Variants in UMOD observed in about 807,000 individuals in gnomAD.
UMOD encodes Tamm-Horsfall urinary glycoprotein.
UMOD carries 64 observed loss-of-function variants against 66.0 expected under a neutral mutation model. The observed-to-expected ratio is 0.97, with a 90% confidence interval of 0.79 to 1.19. The LOEUF (loss-of-function observed/expected upper bound fraction) is 1.19. Among genes scored for constraint, UMOD ranks in the 50% most tolerant of loss-of-function variants. The pLI, the probability that UMOD is intolerant of heterozygous loss-of-function variation, is 0.00. For missense variants in UMOD, 764 were observed against 850.9 expected (o/e 0.90, Z 1.27); for synonymous variants, 398 against 352.7 (o/e 1.13, Z -1.44).
In UMOD at chr16:20,346,304, C is replaced by T. The variant is rs1358163548; in HGVS notation, c.1004G>A (p.Cys335Tyr). The T allele has an allele frequency of 6.2e-7, 1 of 1,614,266 alleles. No homozygotes were observed. Among genetic ancestry groups the T allele is most frequent in the Non-Finnish European group, 8.5e-7 (1 of 1,180,056 alleles). The change falls in exon 5 of 11, where the codon TGT (cysteine) becomes TAT (tyrosine). Residue 335 changes from cysteine to tyrosine, a missense_variant. Transcript: ENST00000396138. ...CGACACCTTCATGTCATTGGCCCCA[C>T]ATTCCAGCCTGTGCTCCAGGAGGGA... is the stretch of plus-strand genomic sequence containing the variant. Reference protein sequence around the residue: ...DISLLEHRLECGANDMKVSLG... With the variant: ...DISLLEHRLEYGANDMKVSLG...
At chr16:20,346,866 A>G (rs1158952559) in intron 4 of UMOD, among the ~76,000 whole-genome samples, 1 of 138,304 alleles carries the variant, frequency 7.2e-6, no homozygotes, top group Non-Finnish European at 1.5e-5. Context: ...CGTGAAGTAT[A>G]ATAAAAAAAA....
At chr16:20,344,312 G>C (rs187192153) in intron 5 of UMOD, 140 bp from the exon 6 acceptor site, 5 of 863,026 alleles carry the variant, frequency 5.8e-6, no homozygotes, top group Non-Finnish European at 9.2e-6. Flanking sequence ...TTGATAAAAA[G>C]CTGCCTGTGG....
chr16:20,350,796 G>A lies in UMOD; in HGVS notation c.-59C>T. On this transcript the variant is annotated 5_prime_UTR_variant, in exon 2 of 11. Coordinates refer to ENST00000396138, the MANE Select transcript of UMOD (RefSeq NM_003361.4). Reference sequence around the variant, plus strand: ...TAGCACCTGCCCAAAGGAAAGACGGGTTGGCCCTTTGAATTTTTCTCTCTG... The same window carrying A: ...TAGCACCTGCCCAAAGGAAAGACGGATTGGCCCTTTGAATTTTTCTCTCTG... The A allele has an allele frequency of 2.5e-6, 4 of 1,610,270 alleles. No individual in the cohort carries two copies. The highest frequency in any genetic ancestry group is 1.1e-5 in the South Asian group (1 of 90,406).
upstream of UMOD, among the ~76,000 whole-genome samples, chr16:20,355,462 G>T (rs566595776): frequency 6.7e-6 from 1 of 149,380 alleles, no homozygotes; most frequent in Non-Finnish European, 1.5e-5. Flanking sequence ...GGAGTGCAGT[G>T]GCTCAGTCTT....
At chr16:20,333,529 A>G (rs553832995) in intron 10 of UMOD, among the ~76,000 whole-genome samples, 154 bp from the exon 11 acceptor site, 2 of 152,338 alleles carry the variant, frequency 1.3e-5, no homozygotes, top group African/African-American at 4.8e-5. Context: ...ATCTGCCCTG[A>G]AAAAGGTGGA....
intron 1 of UMOD, 126 bp downstream of exon 1, chr16:20,352,563 T>C (rs1965950466): frequency 1.7e-6 from 1 of 597,316 alleles, no homozygotes; most frequent in Admixed American, 4.4e-5. Context: ...AAGCCAATAA[T>C]TGGCAGAATA....
At chr16:20,335,450 C>T in intron 10 of UMOD, 32 bp downstream of exon 10, 1 of 1,611,968 alleles carries the variant, frequency 6.2e-7, no homozygotes, top group East Asian at 2.2e-5. Flanking sequence ...AGTTCTGGAA[C>T]AGGTCCCACT....
At chr16:20,349,625 A>AT (rs1280291131) in intron 2 of UMOD, 76 of 1,423,334 alleles carry the variant, frequency 5.3e-5, no homozygotes, top group Admixed American at 1.2e-4. Context: ...TCCACCATTC[A>AT]TTTTTTGTGT....
rs371364890 is a variant in UMOD at position 20,344,072 on chromosome 16, G to A, written c.1283C>T (p.Pro428Leu). ...CTTCAGGCTGACTTTCATGTCCAGG[G>A]GGTAGGAGCATGCAAAGTTGATTTT... ...NIKINFACSY[P>L]LDMKVSLKTA... Residue 428 changes from proline (P) to leucine (L), a missense_variant, in exon 6 of 11, where the codon CCC becomes CTC. Coordinates refer to ENST00000396138, the MANE Select transcript of UMOD (RefSeq NM_003361.4). 6 of 1,613,872 alleles carry A rather than the reference G, an allele frequency of 3.7e-6. No homozygotes were observed. The highest frequency in any genetic ancestry group is 1.3e-5 in the African/African-American group (1 of 74,856).
chr16:20,344,311 AG>A, intron 5 of UMOD, 139 bp from the exon 6 acceptor site: 1 of 893,966 alleles, frequency 1.1e-6, no homozygotes, highest in Non-Finnish European at 1.8e-6. Flanking sequence ...CTTGATAAAA[AG>A]CTGCCTGTGG....
chr16:20,352,801 G>A, upstream of UMOD: 2 of 1,152,038 alleles, frequency 1.7e-6, no homozygotes, highest in Non-Finnish European at 2.2e-6. Flanking sequence ...TCTGTTTTTT[G>A]ATATTGTTTT....
rs1460837344 is a variant in UMOD at position 20,348,737 on chromosome 16, C to T, written c.564G>A (p.Glu188=). ...TGTCGCAGGCGTAGCCCTCCCCGTA[C>T]TCGGTGCTGCGCCAGTACTCGTCCA... The part of the protein sequence containing the change: ...RTLDEYWRST[E]YGEGYACDTD... Residue 188 remains glutamate (E), a synonymous_variant, in exon 3 of 11, where the codon GAG becomes GAA. Transcript: ENST00000396138. The T allele has an allele frequency of 1.6e-5, 24 of 1,545,384 alleles. No individual in the cohort carries two copies. Among genetic ancestry groups the T allele is most frequent in the East Asian group, 2.4e-5 (1 of 41,080 alleles).
intron 2 of UMOD, 86 bp from the exon 3 acceptor site, chr16:20,349,298 C>G: frequency 6.8e-7 from 1 of 1,461,224 alleles, no homozygotes; most frequent in Admixed American, 1.9e-5. Flanking sequence ...CCAGGGAACT[C>G]ATTATTTTTA....
Position 20,350,717 on chromosome 16 carries a change from A to T in UMOD, c.21T>A (p.Thr7=), listed in dbSNP as rs752582121. 1 of 1,614,194 alleles carries T rather than the reference A, an allele frequency of 6.2e-7. No individual in the cohort carries two copies. The highest frequency in any genetic ancestry group is 1.3e-5 in the African/African-American group (1 of 75,044). The change falls in exon 2 of 11, where the codon ACT becomes ACA. Residue 7 remains threonine, a synonymous_variant. Coordinates refer to ENST00000396138, the MANE Select transcript of UMOD (RefSeq NM_003361.4). Reference sequence around the variant, plus strand: ...AGGCCACCACCACCATCAGCATCCAAGTCAGAGATGGCTGCCCCATCCTTT... The same window carrying T: ...AGGCCACCACCACCATCAGCATCCATGTCAGAGATGGCTGCCCCATCCTTT... MGQPSL[T]WMLMVVVASW...
intron 7 of UMOD, among the ~76,000 whole-genome samples, chr16:20,339,703 G>A (rs1965080210): frequency 1.3e-5 from 2 of 152,154 alleles, no homozygotes; most frequent in African/African-American, 4.8e-5. Flanking sequence ...CTCCTGCTTT[G>A]TTTCTTCTAC....
rs1228147595 is a variant in UMOD at position 20,345,502 on chromosome 16, CCCTTCCTT to C, written c.1182+616_1182+623del. 9.5e-3 allele frequency among the ~76,000 whole-genome samples: 503 copies of C among 52,996 alleles called. 18 individuals carry two copies. The highest frequency in any genetic ancestry group is 0.089 in the South Asian group (100 of 1,126). The allele number at this position is 52,996 out of a possible 152,430, so 34.8% of individuals were successfully genotyped here. On this transcript the variant is annotated intron_variant, in intron 5 of 10. Transcript: ENST00000396138. ...TCCTTCCCTCCCTCCCTCCCTCCCT[CCCTTCCTT>C]CCTTCCTTCCTTCCTTCCTTCCTTC...
At chr16:20,355,040 C>T (rs1413152426), upstream of UMOD, among the ~76,000 whole-genome samples, 1 of 152,104 alleles carries the variant, frequency 6.6e-6, no homozygotes, top group East Asian at 1.9e-4. Flanking sequence ...GCTTACCTTG[C>T]CTCTCCCATT....
intron 5 of UMOD, among the ~76,000 whole-genome samples, chr16:20,345,430 C>T (rs868778882): frequency 0.07 from 2,626 of 37,692 alleles, 33 homozygotes; most frequent in Non-Finnish European, 0.088. Flanking sequence ...CTTTCTTTCT[C>T]TTTCTTTCTT....
intron 9 of UMOD, 30 bp downstream of exon 9, chr16:20,336,616 G>T: frequency 6.2e-7 from 1 of 1,604,928 alleles, no homozygotes; most frequent in Non-Finnish European, 8.5e-7. Context: ...TTCCCAGCCA[G>T]GAATGTTGAG....
Sources: allele counts gnomAD v4.1 joint callset (sites outside exome capture counted in the v4.1 genomes callset), GRCh38; gene constraint gnomAD v4.1.1; transcripts MANE v1.5; gene names NCBI Gene and HGNC (gene_info 2026-07-23, HGNC 2026-07-21).